The following LINGO2 variants were observed in gnomAD, a reference collection of about 807,000 sequenced individuals.
The protein encoded by LINGO2 is leucine-rich repeat and immunoglobulin-like domain-containing nogo receptor-interacting protein 2.
LINGO2 carries 14 observed loss-of-function variants against 30.6 expected under a neutral mutation model. The observed-to-expected ratio is 0.46, with a 90% CI of 0.30 to 0.72. The LOEUF is 0.72. Among genes scored for constraint, LINGO2 ranks in the 30% least tolerant of loss-of-function variants. The pLI is 0.07. For missense variants in LINGO2, 729 were observed against 751.7 expected, an observed-to-expected ratio of 0.97 and a Z score of 0.35; for synonymous variants, 317 against 288.5, an observed-to-expected ratio of 1.10 and a Z score of -1.00.
the LINGO2 span, among the ~76,000 whole-genome samples, chr9:28,913,006 T>C: frequency 2.0e-5 from 3 of 152,150 alleles, no homozygotes; most frequent in African/African-American, 7.2e-5. Context: ...ACATTCTTTA[T>C]GGTGGCGGTG....
chr9:28,061,004 C>T (rs1825126962), intron 4 of LINGO2, among the ~76,000 whole-genome samples: 1 of 151,974 alleles, frequency 6.6e-6, no homozygotes, highest in Non-Finnish European at 1.5e-5. Context: ...TTCCTCTCCC[C>T]TGAAGTTAGG....
the LINGO2 span, among the ~76,000 whole-genome samples, chr9:29,069,483 CAGA>C: frequency 0.2 from 29,785 of 151,646 alleles, 3,050 homozygotes; most frequent in African/African-American, 0.24. Context: ...AAGGGAATTT[CAGA>C]ATATTTATAG....
chr9:27,945,755 C>A (rs181049546), downstream of LINGO2, among the ~76,000 whole-genome samples: 1 of 152,054 alleles, frequency 6.6e-6, no homozygotes, highest in Non-Finnish European at 1.5e-5. Context: ...TACTAAAGCA[C>A]CAGCGTTTCA....
Position 28,493,794 on chromosome 9 carries a change from C to T in LINGO2, c.-364-17769G>A, listed in dbSNP as rs1246888145. On this transcript the variant is annotated intron_variant, in intron 1 of 5. Transcript: ENST00000379992. ...GTACAGATCTAATAAACTGCCAGCA[C>T]GGTCAGAATAAAAGCATGTGGAAGA... is the stretch of plus-strand genomic sequence containing the variant. 3.9e-5 allele frequency among the ~76,000 whole-genome samples: 6 copies of T among 152,194 alleles called. No individual in the cohort carries two copies. The Middle Eastern group carries it at 0.017, about 431-fold the overall frequency.
At chr9:28,522,800 T>C (rs947089977) in intron 1 of LINGO2, among the ~76,000 whole-genome samples, 8 of 151,712 alleles carry the variant, frequency 5.3e-5, no homozygotes, top group Admixed American at 1.3e-4. Context: ...ATGAAGTACA[T>C]AGAACCTATG....
At chr9:28,226,264 C>G (rs1272377330) in intron 4 of LINGO2, among the ~76,000 whole-genome samples, 1 of 152,074 alleles carries the variant, frequency 6.6e-6, no homozygotes, top group Admixed American at 6.6e-5. Context: ...CTGGAAAGCT[C>G]AGCTACATCT....
chr9:28,828,532 T>C, the LINGO2 span, among the ~76,000 whole-genome samples: 45 of 145,244 alleles, frequency 3.1e-4, no homozygotes, highest in South Asian at 9.7e-3. Flanking sequence ...TGCCTACATT[T>C]GTAGTTCAAG....
At chr9:28,947,349 A>C in the LINGO2 span, among the ~76,000 whole-genome samples, 1 of 152,112 alleles carries the variant, frequency 6.6e-6, no homozygotes, top group Non-Finnish European at 1.5e-5. Flanking sequence ...TAGATTTTGC[A>C]GTCAAATCAC....
intron 5 of LINGO2, among the ~76,000 whole-genome samples, chr9:27,966,080 A>G (rs1330157201): frequency 6.6e-6 from 1 of 152,126 alleles, no homozygotes; most frequent in Non-Finnish European, 1.5e-5. Flanking sequence ...TATTATTATT[A>G]TCACTATTTA....
intron 1 of LINGO2, among the ~76,000 whole-genome samples, chr9:28,493,688 T>C (rs10968614): frequency 0.24 from 37,057 of 152,044 alleles, 6,147 homozygotes; most frequent in African/African-American, 0.47. Context: ...CCCTAGGTGT[T>C]GTCTGTGAGG....
chr9:28,875,632 T>A, the LINGO2 span, among the ~76,000 whole-genome samples: 1 of 152,084 alleles, frequency 6.6e-6, no homozygotes, highest in Non-Finnish European at 1.5e-5. Flanking sequence ...ACGTCGAAAT[T>A]TTACCTTTCA....
At chr9:29,090,326 T>TCCTC in the LINGO2 span, among the ~76,000 whole-genome samples, 1 of 152,052 alleles carries the variant, frequency 6.6e-6, no homozygotes, top group Admixed American at 6.6e-5. Context: ...GTTCAAATGT[T>TCCTC]CCTCTTCTCT....
At chr9:28,903,437 A>G in the LINGO2 span, among the ~76,000 whole-genome samples, 1 of 152,266 alleles carries the variant, frequency 6.6e-6, no homozygotes, top group Non-Finnish European at 1.5e-5. Context: ...GATGAATTCT[A>G]TCTAACATTC....
chr9:28,935,170 C>A, the LINGO2 span, among the ~76,000 whole-genome samples: 1 of 151,932 alleles, frequency 6.6e-6, no homozygotes, highest in East Asian at 1.9e-4. Flanking sequence ...CTGCAATTAA[C>A]AATAAAAAAA....
At chr9:29,178,678 C>T in the LINGO2 span, among the ~76,000 whole-genome samples, 1 of 152,126 alleles carries the variant, frequency 6.6e-6, no homozygotes, top group Non-Finnish European at 1.5e-5. Flanking sequence ...GAAACCTCCT[C>T]TGATGACAAG....
intron 5 of LINGO2, among the ~76,000 whole-genome samples, chr9:27,956,036 T>C (rs1819550135): frequency 6.7e-6 from 1 of 150,164 alleles, no homozygotes; most frequent in African/African-American, 2.4e-5. Context: ...GCCTCCTGCG[T>C]TCAAGCGATT....
chr9:28,289,468 T>G (rs982905198), intron 4 of LINGO2, among the ~76,000 whole-genome samples: 3 of 152,122 alleles, frequency 2.0e-5, no homozygotes, highest in Non-Finnish European at 4.4e-5. Flanking sequence ...TCAAAATTAT[T>G]TGTGCATTTT....
chr9:28,158,253 A>T (rs1437200345), intron 4 of LINGO2, among the ~76,000 whole-genome samples: 1 of 152,046 alleles, frequency 6.6e-6, no homozygotes, highest in Non-Finnish European at 1.5e-5. Context: ...ATCTCATGAG[A>T]CTTATTCGCT....
the LINGO2 span, among the ~76,000 whole-genome samples, chr9:29,144,129 G>A: frequency 6.6e-6 from 1 of 152,072 alleles, no homozygotes; most frequent in African/African-American, 2.4e-5. Context: ...CGGTTTATGT[G>A]TTTGTTCTTT....
Sources: gnomAD v4.1 joint callset for allele counts (sites outside exome capture counted in the v4.1 genomes callset) on GRCh38, gnomAD v4.1.1 for gene constraint, MANE v1.5 for transcripts, NCBI Gene and HGNC (gene_info 2026-07-23, HGNC 2026-07-21) for gene names.